Variants in MID1 observed in about 807,000 individuals in gnomAD.
MID1 encodes the protein E3 ubiquitin-protein ligase Midline-1.
Under a neutral mutation model 40.4 loss-of-function variants are expected in MID1, and 7 were observed. The observed-to-expected ratio is 0.17, with a 90% confidence interval of 0.10 to 0.33. MID1 has a LOEUF of 0.33. MID1 is among the 10% of genes least tolerant of loss of function. The pLI, the probability that MID1 is intolerant of heterozygous loss-of-function variation, is 1.00. For synonymous variants in MID1, 229 were observed against 221.2 expected (o/e 1.04, Z -0.31); for missense variants, 367 against 558.5 (o/e 0.66, Z 3.46).
chrX:10,734,927 G>T (rs1453081553), intron 1 of MID1, among the ~76,000 whole-genome samples: 2 of 111,549 alleles, frequency 1.8e-5, no homozygotes, highest in Non-Finnish European at 3.8e-5. Context: ...GTTCTTCTGA[G>T]CTCAGGAGTG....
intron 2 of MID1, among the ~76,000 whole-genome samples, chrX:10,557,322 T>C (rs1934161097): frequency 8.9e-6 from 1 of 112,238 alleles, no homozygotes; most frequent in Non-Finnish European, 1.9e-5. Context: ...TGCTGGTTTA[T>C]TGCCAGGCCA....
At chrX:10,830,579 A>C (rs753144617) in intron 1 of MID1, among the ~76,000 whole-genome samples, 1 of 112,791 alleles carries the variant, frequency 8.9e-6, no homozygotes, top group Non-Finnish European at 1.9e-5. Flanking sequence ...AATTTGGTAC[A>C]GTGCCCAAGA....
At chrX:10,648,730 A>T (rs1403719358) in intron 1 of MID1, among the ~76,000 whole-genome samples, 2 of 111,578 alleles carry the variant, frequency 1.8e-5, no homozygotes, top group Non-Finnish European at 3.8e-5. Context: ...CGGGAAGACC[A>T]TTATTTCCCA....
chrX:10,704,727 T>TAC (rs1215958397), intron 1 of MID1, among the ~76,000 whole-genome samples: 21 of 84,021 alleles, frequency 2.5e-4, no homozygotes, highest in African/African-American at 1.1e-3. Flanking sequence ...TATATATATA[T>TAC]ATATATATAT....
At chrX:10,791,541 T>C (rs1330688220) in intron 1 of MID1, among the ~76,000 whole-genome samples, 1 of 111,512 alleles carries the variant, frequency 9.0e-6, no homozygotes, top group Admixed American at 9.5e-5. Flanking sequence ...TCAGCCCAGA[T>C]AAAAGGGGGC....
chrX:10,449,976 C>T lies in MID1; in HGVS notation c.1656-260G>A, dbSNP rs146040748. Among the ~76,000 whole-genome samples the T allele has an allele frequency of 4.4e-3, 490 of 111,654 alleles. 3 individuals are homozygous for T. Among genetic ancestry groups the T allele is most frequent in the Non-Finnish European group, 6.4e-3 (341 of 53,194 alleles). ...ATTTCTGTTTTCAGCTCAAACACTA[C>T]GGAGAATTTGAACTTTGAGTTTTGC... On this transcript the variant is annotated intron_variant, in intron 9 of 9. Transcript: ENST00000317552.
intron 1 of MID1, among the ~76,000 whole-genome samples, chrX:10,714,855 C>A (rs763834769): frequency 3.5e-4 from 39 of 111,951 alleles, no homozygotes; most frequent in Non-Finnish European, 5.3e-4. Context: ...CAACTAGTGA[C>A]AATATGTAGA....
chrX:10,720,037 T>C (rs1372680378), intron 1 of MID1, among the ~76,000 whole-genome samples: 1 of 111,739 alleles, frequency 8.9e-6, no homozygotes, highest in African/African-American at 3.3e-5. Context: ...CACCTTATAC[T>C]AAAATTAATT....
intron 1 of MID1, among the ~76,000 whole-genome samples, chrX:10,570,828 G>T (rs1892489985): frequency 8.9e-6 from 1 of 112,465 alleles, no homozygotes; most frequent in South Asian, 3.7e-4. Flanking sequence ...CAGGTCACAG[G>T]CCAGCATTGG....
intron 1 of MID1, among the ~76,000 whole-genome samples, chrX:10,710,994 T>A (rs948021703): frequency 1.8e-5 from 2 of 111,502 alleles, no homozygotes; most frequent in African/African-American, 6.5e-5. Context: ...ACTGCCGCAC[T>A]CATTAAATGG....
At chrX:10,459,543 T>C (rs1399779243) in intron 8 of MID1, 103 bp downstream of exon 8, 6 of 939,658 alleles carry the variant, frequency 6.4e-6, no homozygotes, top group Non-Finnish European at 9.2e-6. Context: ...TGGGGGGCTG[T>C]CAATGATACC....
chrX:10,677,583 G>C (rs2043030844), intron 1 of MID1: 1 of 113,010 alleles, frequency 8.8e-6, no homozygotes, highest in African/African-American at 3.2e-5. Flanking sequence ...TTTCTAAGGA[G>C]ACGCTGCTGT....
At chrX:10,736,427 T>A (rs937989782) in intron 1 of MID1, among the ~76,000 whole-genome samples, 1 of 112,299 alleles carries the variant, frequency 8.9e-6, no homozygotes, top group African/African-American at 3.2e-5. Context: ...AGGATGTTCA[T>A]ATGCCATATT....
At chrX:10,467,697 T>TA (rs770412269) in intron 7 of MID1, among the ~76,000 whole-genome samples, 2 of 111,987 alleles carry the variant, frequency 1.8e-5, no homozygotes, top group African/African-American at 6.5e-5. Context: ...GCCCACAGGG[T>TA]AAAATCCAAA....
At chrX:10,687,890 T>C (rs1184892912) in intron 1 of MID1, among the ~76,000 whole-genome samples, 7 of 110,945 alleles carry the variant, frequency 6.3e-5, no homozygotes, top group African/African-American at 2.3e-4. Flanking sequence ...CTTTTTTTTC[T>C]ATTTTTTGTA....
At chrX:10,544,241 C>G (rs977392290) in intron 2 of MID1, among the ~76,000 whole-genome samples, 1 of 110,144 alleles carries the variant, frequency 9.1e-6, no homozygotes, top group Non-Finnish European at 1.9e-5. Context: ...CCAGAAAATG[C>G]CTGTTATGAT....
chrX:10,482,650 G>A (rs767460720), intron 4 of MID1, 22 bp from the exon 5 acceptor site: 5 of 1,203,130 alleles, frequency 4.2e-6, no homozygotes, highest in Non-Finnish European at 4.5e-6. Flanking sequence ...GAGGCATGGA[G>A]AGAGATGGTT....
intron 1 of MID1, among the ~76,000 whole-genome samples, chrX:10,798,967 A>T (rs1038180474): frequency 1.8e-5 from 2 of 111,131 alleles, no homozygotes; most frequent in African/African-American, 6.5e-5. Flanking sequence ...TTGTGGGTGA[A>T]TTTTTTTTCT....
intron 7 of MID1, among the ~76,000 whole-genome samples, chrX:10,462,921 TA>T (rs759086715): frequency 2.7e-4 from 30 of 111,967 alleles, no homozygotes; most frequent in Non-Finnish European, 5.4e-4. Flanking sequence ...ATATGTTTAA[TA>T]ATTTTCATGA....
Sources: allele counts gnomAD v4.1 joint callset (sites outside exome capture counted in the v4.1 genomes callset), GRCh38; gene constraint gnomAD v4.1.1; transcripts MANE v1.5; gene names NCBI Gene and HGNC (gene_info 2026-07-23, HGNC 2026-07-21).